The following TSC22D1 variants were observed in gnomAD, a reference collection of about 807,000 sequenced individuals.
TSC22D1 encodes the protein TSC22 domain family protein 1.
Under a neutral mutation model 74.2 loss-of-function variants are expected in TSC22D1, and 9 were observed. That is an observed-to-expected ratio of 0.12 (90% CI 0.07 to 0.21). The LOEUF is 0.21. Among genes scored for constraint, TSC22D1 ranks in the 10% least tolerant of loss-of-function variants. The pLI is 1.00. For missense variants in TSC22D1, 1,427 were observed against 1,304.7 expected (o/e 1.09, Z -1.44); for synonymous variants, 586 against 492.5 (o/e 1.19, Z -2.51).
intron 2 of TSC22D1, 176 bp downstream of exon 2, chr13:44,435,868 C>T (rs1874562007): frequency 1.4e-6 from 1 of 694,630 alleles, no homozygotes; most frequent in East Asian, 2.8e-5. Context: ...CTTTCTCCCT[C>T]CACGGCTGCC....
intron 1 of TSC22D1, among the ~76,000 whole-genome samples, chr13:44,475,583 A>G (rs1877865009): frequency 6.6e-6 from 1 of 152,182 alleles, no homozygotes; most frequent in African/African-American, 2.4e-5. Context: ...GAAAAAGACC[A>G]TAAACCAGCA....
chr13:44,566,599 T>C (rs1307493140), intron 1 of TSC22D1, among the ~76,000 whole-genome samples: 1 of 152,204 alleles, frequency 6.6e-6, no homozygotes, highest in Non-Finnish European at 1.5e-5. Flanking sequence ...AATAGTACAG[T>C]ATTCTACCAT....
chr13:44,467,201 G>T (rs9567438), intron 1 of TSC22D1, among the ~76,000 whole-genome samples: 1 of 152,018 alleles, frequency 6.6e-6, no homozygotes, highest in South Asian at 2.1e-4. Flanking sequence ...CTGCTATGAA[G>T]AATGAAACTG....
At chr13:44,436,388 C>A in intron 1 of TSC22D1, 1 of 1,320,720 alleles carries the variant, frequency 7.6e-7, no homozygotes, top group Non-Finnish European at 1.0e-6. Flanking sequence ...AAACAACATC[C>A]ATGTCACCAT....
chr13:44,455,215 A>G (rs1428622265), intron 1 of TSC22D1, among the ~76,000 whole-genome samples: 1 of 152,196 alleles, frequency 6.6e-6, no homozygotes, highest in Non-Finnish European at 1.5e-5. Flanking sequence ...TGAGAAAATG[A>G]GTTTTGAGTA....
chr13:44,508,338 A>G (rs1879530761), intron 1 of TSC22D1, among the ~76,000 whole-genome samples: 4 of 152,216 alleles, frequency 2.6e-5, no homozygotes, highest in Admixed American at 1.3e-4. Flanking sequence ...GAGCTTGGTT[A>G]AAGTATGATA....
rs376561927 is a variant in TSC22D1 at position 44,573,410 on chromosome 13, G to C, written c.2665C>G (p.Gln889Glu). 6.2e-6 allele frequency: 10 copies of C among 1,614,146 alleles called. No individual in the cohort carries two copies. Among genetic ancestry groups the C allele is most frequent in the Non-Finnish European group, 7.6e-6 (9 of 1,180,060 alleles). The change falls in exon 1 of 3, where the codon CAG becomes GAG. Residue 889 changes from glutamine to glutamate, a missense_variant. Physicochemically the swap from Gln to Glu is conservative, Grantham distance 29 (BLOSUM62 2). Coordinates refer to ENST00000458659, the MANE Select transcript of TSC22D1 (RefSeq NM_183422.4). ...AACTGGGTAGAACTTAGTGGTATCT[G>C]TTGTGCCAAAGGCAAATTTGTATTA... ...ATNTNLPLAQ[Q>E]IPLSSTQFSA...
At chr13:44,573,052 A>G (rs553289627) in intron 1 of TSC22D1, 111 bp downstream of exon 1, 11 of 1,434,136 alleles carry the variant, frequency 7.7e-6, no homozygotes, top group Non-Finnish European at 9.2e-6. Context: ...CATTTTTCAC[A>G]TACAAAACAC....
In TSC22D1 at chr13:44,473,357, T is replaced by C. The variant is rs200507583; in HGVS notation, c.2913-37262A>G. On this transcript the variant is annotated intron_variant, in intron 1 of 2. Transcript: ENST00000458659. The stretch of plus-strand genomic sequence containing the variant: ...AAAAAATACAAAAATTAGCTGGGCA[T>C]GGTGGCACACACCTGTAGTCCCAGC... Among the ~76,000 whole-genome samples, 4 of 152,182 alleles carry C rather than the reference T, an allele frequency of 2.6e-5. No homozygotes were observed. In the East Asian group the frequency reaches 7.7e-4, roughly 29 times the overall value.
In TSC22D1 at chr13:44,489,418, A is replaced by C. The variant is rs116101264; in HGVS notation, c.2913-53323T>G. On this transcript the variant is annotated intron_variant, in intron 1 of 2. Transcript: ENST00000458659. ...AAAAGACATCAATAAGAGAACAAAAATTTAAGTCACATGGAGAGAAGAGAT... is the reference window on the plus strand; with the variant it reads ...AAAAGACATCAATAAGAGAACAAAACTTTAAGTCACATGGAGAGAAGAGAT... 7.0e-3 allele frequency among the ~76,000 whole-genome samples: 1,073 copies of C among 152,220 alleles called. 14 individuals are homozygous for C. Among genetic ancestry groups the C allele is most frequent in the African/African-American group, 0.024 (998 of 41,562 alleles).
At chr13:44,460,850 C>T (rs901203871) in intron 1 of TSC22D1, among the ~76,000 whole-genome samples, 1 of 152,104 alleles carries the variant, frequency 6.6e-6, no homozygotes, top group Non-Finnish European at 1.5e-5. Context: ...GGGCTTCTTT[C>T]GAGGAGTGAA....
rs747365237 is a variant in TSC22D1, at chr13:44,574,340, G to T, written c.1735C>A (p.Pro579Thr). 6.2e-7 allele frequency: 1 copy of T among 1,614,260 alleles called. No individual in the cohort carries two copies. Among genetic ancestry groups the T allele is most frequent in the Non-Finnish European group, 8.5e-7 (1 of 1,180,054 alleles). ...ACACCAACCACATTTACAGGCGATG[G>T]CTGGATACCAGTTGCAGCACTCATA... ...ATMSAATGIQ[P>T]SPVNVVGVTS... Residue 579 changes from proline (P) to threonine (T), a missense_variant, in exon 1 of 3, where the codon CCA becomes ACA. Physicochemically the swap from Pro to Thr is conservative, Grantham distance 38 (BLOSUM62 -1). Coordinates refer to ENST00000458659, the MANE Select transcript of TSC22D1 (RefSeq NM_183422.4).
At chr13:44,538,321 G>A in intron 1 of TSC22D1, 1 of 985,312 alleles carries the variant, frequency 1.0e-6, no homozygotes, top group Non-Finnish European at 1.2e-6. Flanking sequence ...CTCAAGACCA[G>A]CGAAGATGAG....
At position 44,447,659 on chromosome 13, in the gene TSC22D1, C is replaced by T. The variant is rs937550568; in HGVS notation, c.2913-11564G>A. ...CCTATATATAACACATGTATTTACC[C>T]TCTGTAAATACATTTTTTCTGTATT... On this transcript the variant is annotated intron_variant, in intron 1 of 2. Coordinates refer to ENST00000458659, the MANE Select transcript of TSC22D1 (RefSeq NM_183422.4). 9.9e-5 allele frequency among the ~76,000 whole-genome samples: 15 copies of T among 151,762 alleles called. No homozygotes were observed. In the East Asian group the frequency reaches 1.2e-3, roughly 12 times the overall value.
At chr13:44,555,647 C>A (rs1446478602) in intron 1 of TSC22D1, among the ~76,000 whole-genome samples, 3 of 151,564 alleles carry the variant, frequency 2.0e-5, no homozygotes, top group Admixed American at 2.0e-4. Context: ...ATATGTACAG[C>A]CATCCTTGTC....
intron 1 of TSC22D1, among the ~76,000 whole-genome samples, chr13:44,446,799 GGAAAAGGAGGAGGAA>G (rs1297542962): frequency 7.2e-4 from 84 of 116,852 alleles, no homozygotes; most frequent in African/African-American, 2.7e-3. Flanking sequence ...AGGAGGAGGA[GGAAAAGGAGGAGGAA>G]GAGGAGGAGG....
chr13:44,467,739 A>G (rs1877371100), intron 1 of TSC22D1, among the ~76,000 whole-genome samples: 1 of 152,338 alleles, frequency 6.6e-6, no homozygotes, highest in South Asian at 2.1e-4. Context: ...TTTAAAGTCA[A>G]AAAACAATGG....
chr13:44,571,852 A>G (rs1228550560), intron 1 of TSC22D1, among the ~76,000 whole-genome samples: 4 of 152,180 alleles, frequency 2.6e-5, no homozygotes, highest in Non-Finnish European at 1.5e-5. Flanking sequence ...ATCTTGAAAG[A>G]TAAGATTTTA....
At chr13:44,440,587 C>CAAAAA (rs67344848) in intron 1 of TSC22D1, among the ~76,000 whole-genome samples, 84 of 68,088 alleles carry the variant, frequency 1.2e-3, no homozygotes, top group East Asian at 2.1e-3. Flanking sequence ...GGCTCTGTCT[C>CAAAAA]AAAAAAAAAA....
Sources: allele counts gnomAD v4.1 joint callset (sites outside exome capture counted in the v4.1 genomes callset), GRCh38; gene constraint gnomAD v4.1.1; transcripts MANE v1.5; gene names NCBI Gene and HGNC (gene_info 2026-07-23, HGNC 2026-07-21).